Variants in FUNDC1 observed in about 807,000 individuals in gnomAD.
FUNDC1 encodes the protein FUN14 domain containing 1.
Under a neutral mutation model 14.5 loss-of-function variants are expected in FUNDC1, and 10 were observed. That is an observed-to-expected ratio of 0.69 (90% confidence interval 0.43 to 1.17). The LOEUF is 1.17. FUNDC1 is among the 50% of genes most tolerant of loss of function. FUNDC1 has a pLI of 0.00. For synonymous variants in FUNDC1, 33 were observed against 39.7 expected, an observed-to-expected ratio of 0.83 and a Z score of 0.64; for missense variants, 115 against 113.8, an observed-to-expected ratio of 1.01 and a Z score of -0.05.
intron 2 of FUNDC1, among the ~76,000 whole-genome samples, chrX:44,540,034 C>T (rs765695276): frequency 9.0e-6 from 1 of 111,057 alleles, no homozygotes; most frequent in Non-Finnish European, 1.9e-5. Flanking sequence ...CTCTCAAGGT[C>T]ATCATTACCT....
chrX:44,536,559 T>C (rs1045794773), intron 3 of FUNDC1, among the ~76,000 whole-genome samples: 10 of 111,407 alleles, frequency 9.0e-5, no homozygotes, highest in East Asian at 2.8e-4. Context: ...TGGGGAAGTA[T>C]AGGGAAAACA....
At chrX:44,531,264 AC>A (rs2038922086) in intron 3 of FUNDC1, among the ~76,000 whole-genome samples, 1 of 70,610 alleles carries the variant, frequency 1.4e-5, no homozygotes, top group African/African-American at 9.2e-5. Flanking sequence ...ACACACACAC[AC>A]ACACACACAC....
At chrX:44,530,350 A>T (rs1351324272) in intron 3 of FUNDC1, among the ~76,000 whole-genome samples, 1 of 112,414 alleles carries the variant, frequency 8.9e-6, no homozygotes, top group African/African-American at 3.2e-5. Context: ...TCACGCCTGT[A>T]ATGTTAGCAC....
intron 3 of FUNDC1, among the ~76,000 whole-genome samples, chrX:44,531,298 A>ACACACAC (rs1569187093): frequency 7.9e-5 from 3 of 38,136 alleles, no homozygotes; most frequent in African/African-American, 5.5e-4. Context: ...CTTTCAGATG[A>ACACACAC]AGATTCATGT....
chrX:44,540,416 G>T (rs34860539), intron 2 of FUNDC1, among the ~76,000 whole-genome samples: 22 of 85,790 alleles, frequency 2.6e-4, no homozygotes, highest in Non-Finnish European at 3.8e-4. Flanking sequence ...TGTGTGTGTT[G>T]TGTGTGTGTG....
At position 44,534,195 on chromosome X, in the gene FUNDC1, GA is replaced by G. The variant is rs985130930; in HGVS notation, c.261+4271del. Among the ~76,000 whole-genome samples, 51 of 102,574 alleles carry G rather than the reference GA, an allele frequency of 5.0e-4. 1 individual carries two copies. Among genetic ancestry groups the G allele is most frequent in the African/African-American group, 5.6e-4 (16 of 28,552 alleles). 89.1% of individuals were successfully genotyped at this position (102,574 alleles called of 115,157 possible). A position where few individuals can be genotyped will look rare whatever the true frequency, so the allele number is the denominator to read the frequency against. The stretch of plus-strand genomic sequence containing the variant: ...TTAGTGTTCTACCAAATCTAAGAAA[GA>G]AAAAAAAAAAATTATTAGGCCAAGC... On this transcript the variant is annotated intron_variant, in intron 3 of 4. Coordinates refer to ENST00000378045, the MANE Select transcript of FUNDC1 (RefSeq NM_173794.4).
chrX:44,531,782 A>G (rs2038926833), intron 3 of FUNDC1, among the ~76,000 whole-genome samples: 1 of 108,706 alleles, frequency 9.2e-6, no homozygotes, highest in Non-Finnish European at 1.9e-5. Context: ...ACACACACAC[A>G]CACACACACA....
chrX:44,538,601 T>C, intron 2 of FUNDC1, 59 bp from the exon 3 acceptor site: 2 of 860,881 alleles, frequency 2.3e-6, no homozygotes, highest in Non-Finnish European at 3.4e-6. Flanking sequence ...CTCTCCCTCT[T>C]CTACTTTTCA....
At chrX:44,526,134 C>CA (rs763280116) in intron 4 of FUNDC1, among the ~76,000 whole-genome samples, 1,039 of 97,138 alleles carry the variant, frequency 0.011, 7 homozygotes, top group Middle Eastern at 0.023. Context: ...AAAAAAAAAA[C>CA]AAAAAAAAAC....
intron 3 of FUNDC1, among the ~76,000 whole-genome samples, chrX:44,531,318 ACACAC>A (rs1569187181): frequency 3.8e-4 from 10 of 26,102 alleles, no homozygotes; most frequent in African/African-American, 1.9e-3. Flanking sequence ...TTGGCCAGAC[ACACAC>A]ACACACACAC....
chrX:44,542,358 T>C, intron 1 of FUNDC1: 1 of 384,228 alleles, frequency 2.6e-6, no homozygotes. Flanking sequence ...CAGGGCCAAC[T>C]CAGAATGACA....
In FUNDC1 at chrX:44,542,101, T is replaced by A. The variant is rs2038974616; in HGVS notation, c.29A>T (p.Asp10Val). 8.5e-7 allele frequency: 1 copy of A among 1,182,928 alleles called. No individual in the cohort carries two copies. The highest frequency in any genetic ancestry group is 1.8e-5 in the African/African-American group (1 of 56,883). Residue 10 changes from aspartate to valine, a missense_variant and splice_region_variant, in exon 2 of 5, where the codon GAC becomes GTC. Physicochemically the swap from Asp to Val is radical, Grantham distance 152. Transcript: ENST00000378045. MATRNPPPQ[D>V]YESDDDSYEV... Reference sequence around the variant, plus strand: ...ATAAGAGTCGTCATCACTTTCATAGTCTTCAAAATAGCAAAATGCAAAAAA... The same window carrying A: ...ATAAGAGTCGTCATCACTTTCATAGACTTCAAAATAGCAAAATGCAAAAAA...
intron 3 of FUNDC1, among the ~76,000 whole-genome samples, chrX:44,529,026 C>A (rs2038912722): frequency 8.9e-6 from 1 of 112,124 alleles, no homozygotes; most frequent in African/African-American, 3.2e-5. Context: ...CACCACTCAT[C>A]AGCAACTCCC....
chrX:44,539,428 C>T (rs1040281553), intron 2 of FUNDC1, among the ~76,000 whole-genome samples: 2 of 111,268 alleles, frequency 1.8e-5, no homozygotes, highest in African/African-American at 3.3e-5. Flanking sequence ...GCCTTTAATC[C>T]GATAAGGACG....
chrX:44,529,190 C>T (rs1388455281), intron 3 of FUNDC1, among the ~76,000 whole-genome samples: 2 of 110,839 alleles, frequency 1.8e-5, no homozygotes, highest in African/African-American at 6.6e-5. Flanking sequence ...TTATCCACCC[C>T]CCAATCCCCA....
chrX:44,527,462 T>G, intron 3 of FUNDC1, 97 bp from the exon 4 acceptor site: 1 of 587,622 alleles, frequency 1.7e-6, no homozygotes, highest in Non-Finnish European at 2.4e-6. Flanking sequence ...TCTAGTAACC[T>G]ATAAAACTTA....
chrX:44,533,646 A>AC (rs1248170575), intron 3 of FUNDC1, among the ~76,000 whole-genome samples: 4 of 105,593 alleles, frequency 3.8e-5, no homozygotes, highest in Non-Finnish European at 7.7e-5. Flanking sequence ...AAAAAAAAAA[A>AC]AAACAACAAA....
chrX:44,541,001 A>C (rs1395252643), intron 2 of FUNDC1, among the ~76,000 whole-genome samples: 1 of 110,624 alleles, frequency 9.0e-6, no homozygotes, highest in Admixed American at 9.7e-5. Flanking sequence ...TGGCATTTGC[A>C]AAAAAAAAGG....
chrX:44,527,725 G>T (rs758755478), intron 3 of FUNDC1, among the ~76,000 whole-genome samples: 1 of 111,528 alleles, frequency 9.0e-6, no homozygotes, highest in East Asian at 2.8e-4. Context: ...ACACCTTTTG[G>T]AATAGGGAAT....
Sources: allele counts gnomAD v4.1 joint callset (sites outside exome capture counted in the v4.1 genomes callset), GRCh38; gene constraint gnomAD v4.1.1; transcripts MANE v1.5; gene names NCBI Gene and HGNC (gene_info 2026-07-23, HGNC 2026-07-21).